The following NCKAP5 variants were observed in gnomAD, a reference collection of about 807,000 sequenced individuals.
NCKAP5 encodes NCK associated protein 5.
A neutral mutation model predicts 167.0 loss-of-function variants in NCKAP5; 92 were observed. The ratio of observed to expected loss-of-function variants is 0.55; its 90% CI spans 0.47 to 0.66. The LOEUF (loss-of-function observed/expected upper bound fraction) is 0.66. Among genes scored for constraint, NCKAP5 ranks in the 30% least tolerant of loss-of-function variants. The pLI is 0.00. For missense variants in NCKAP5, 2,378 were observed against 2,315.0 expected (o/e 1.03, Z -0.56); for synonymous variants, 891 against 877.4 (o/e 1.02, Z -0.27).
intron 11 of NCKAP5, among the ~76,000 whole-genome samples, chr2:132,817,731 A>G (rs1377970869): frequency 1.3e-5 from 2 of 152,120 alleles, no homozygotes; most frequent in South Asian, 2.1e-4. Flanking sequence ...GTAGCTCTAC[A>G]TAAAGGAGGA....
At chr2:132,950,301 A>G (rs1182897539) in intron 8 of NCKAP5, among the ~76,000 whole-genome samples, 2 of 152,116 alleles carry the variant, frequency 1.3e-5, no homozygotes, top group Non-Finnish European at 2.9e-5. Context: ...AATTTACTGA[A>G]TTTATATCTG....
Position 132,830,436 on chromosome 2 carries a change from G to A in NCKAP5, c.807+30056C>T, listed in dbSNP as rs184080971. Among the ~76,000 whole-genome samples the A allele has an allele frequency of 2.0e-3, 309 of 152,064 alleles. 5 individuals are homozygous for A. The highest frequency in any genetic ancestry group is 1.9e-4 in the East Asian group (1 of 5,148). ...AGGACAGTCTGTTTCCCCCCTTGCA[G>A]TGCTGAGAGAAAGTCAGGAGGGTAA... is the stretch of plus-strand genomic sequence containing the variant. On this transcript the variant is annotated intron_variant, in intron 11 of 19. Coordinates refer to ENST00000409261, the MANE Select transcript of NCKAP5 (RefSeq NM_207363.3).
At chr2:133,416,306 C>G (rs1689103983) in intron 3 of NCKAP5, among the ~76,000 whole-genome samples, 1 of 152,100 alleles carries the variant, frequency 6.6e-6, no homozygotes. Flanking sequence ...TTCCAGATTC[C>G]AAGAGATGGG....
chr2:132,948,342 G>A (rs1019917770), intron 8 of NCKAP5, among the ~76,000 whole-genome samples: 6 of 152,100 alleles, frequency 3.9e-5, no homozygotes, highest in Non-Finnish European at 7.4e-5. Flanking sequence ...GTTATGTGCA[G>A]AGAACAGCTG....
chr2:133,514,006 A>T (rs1683748220), intron 3 of NCKAP5, among the ~76,000 whole-genome samples: 1 of 152,214 alleles, frequency 6.6e-6, no homozygotes, highest in East Asian at 1.9e-4. Flanking sequence ...ACAGTGTGAA[A>T]TGATGACTTT....
the NCKAP5 span, among the ~76,000 whole-genome samples, chr2:133,614,815 C>T: frequency 1.3e-5 from 2 of 151,484 alleles, no homozygotes; most frequent in African/African-American, 4.8e-5. Context: ...AAAGATACTC[C>T]TCGAGAAGAG....
chr2:133,128,570 G>C (rs1159838218), intron 6 of NCKAP5, among the ~76,000 whole-genome samples: 2 of 151,942 alleles, frequency 1.3e-5, no homozygotes, highest in East Asian at 3.9e-4. Context: ...TTCTTTGAAA[G>C]AGAGATTCTA....
intron 8 of NCKAP5, among the ~76,000 whole-genome samples, chr2:132,898,642 C>T (rs1016161530): frequency 6.6e-6 from 1 of 152,184 alleles, no homozygotes; most frequent in Non-Finnish European, 1.5e-5. Flanking sequence ...TGTTAGCAGG[C>T]ATGAAAACAA....
At chr2:132,722,414 C>A (rs914319174) in intron 19 of NCKAP5, among the ~76,000 whole-genome samples, 2 of 152,172 alleles carry the variant, frequency 1.3e-5, no homozygotes, top group African/African-American at 2.4e-5. Context: ...CCTTGACATA[C>A]CTTCCTCACT....
At chr2:133,293,717 A>G (rs745899578) in intron 4 of NCKAP5, among the ~76,000 whole-genome samples, 7 of 152,120 alleles carry the variant, frequency 4.6e-5, no homozygotes, top group Non-Finnish European at 8.8e-5. Flanking sequence ...GCAATACCCA[A>G]TTTCGAGAGC....
At chr2:133,057,830 A>G (rs1044074274) in intron 6 of NCKAP5, among the ~76,000 whole-genome samples, 5 of 152,264 alleles carry the variant, frequency 3.3e-5, no homozygotes, top group Non-Finnish European at 7.3e-5. Flanking sequence ...TTTGATATAA[A>G]TGCTGATAGA....
chr2:133,462,242 AC>A (rs1282751110), intron 3 of NCKAP5, among the ~76,000 whole-genome samples: 1 of 152,098 alleles, frequency 6.6e-6, no homozygotes, highest in African/African-American at 2.4e-5. Flanking sequence ...TTTGGGTCTC[AC>A]CTTCATTGGG....
intron 2 of NCKAP5, among the ~76,000 whole-genome samples, chr2:133,543,735 T>C (rs1686422068): frequency 6.6e-6 from 1 of 152,210 alleles, no homozygotes; most frequent in African/African-American, 2.4e-5. Context: ...CCTCACATGC[T>C]CCTTATGAAA....
intron 7 of NCKAP5, among the ~76,000 whole-genome samples, chr2:132,981,276 C>G (rs1171595073): frequency 3.3e-5 from 5 of 152,066 alleles, no homozygotes; most frequent in Admixed American, 3.3e-4. Context: ...TTCCCAAAGC[C>G]CCTTTGAACC....
chr2:132,741,364 GA>G (rs1442085073), intron 16 of NCKAP5, among the ~76,000 whole-genome samples: 1 of 152,044 alleles, frequency 6.6e-6, no homozygotes, highest in Non-Finnish European at 1.5e-5. Context: ...TGCCTCTCTT[GA>G]AAAACAATGG....
At chr2:133,102,504 G>T (rs1218510342) in intron 6 of NCKAP5, among the ~76,000 whole-genome samples, 2 of 151,836 alleles carry the variant, frequency 1.3e-5, no homozygotes, top group Non-Finnish European at 2.9e-5. Flanking sequence ...AAAGCATCAG[G>T]GAAGGAAAAA....
At chr2:133,088,794 G>T (rs1226396145) in intron 6 of NCKAP5, among the ~76,000 whole-genome samples, 13 of 152,228 alleles carry the variant, frequency 8.5e-5, no homozygotes, top group Admixed American at 3.3e-4. Context: ...ACAGAGAAAT[G>T]CTATTCTAGA....
chr2:133,593,876 T>G, the NCKAP5 span, among the ~76,000 whole-genome samples: 1 of 152,144 alleles, frequency 6.6e-6, no homozygotes, highest in Non-Finnish European at 1.5e-5. Context: ...ACTTCCATAC[T>G]AGGTAAACTC....
At chr2:133,278,597 A>T (rs528614753) in intron 4 of NCKAP5, among the ~76,000 whole-genome samples, 4 of 152,274 alleles carry the variant, frequency 2.6e-5, no homozygotes, top group Non-Finnish European at 5.9e-5. Context: ...TAACATTTTT[A>T]AAAATTCTAA....
Sources: allele counts gnomAD v4.1 joint callset (sites outside exome capture counted in the v4.1 genomes callset), GRCh38; gene constraint gnomAD v4.1.1; transcripts MANE v1.5; gene names NCBI Gene and HGNC (gene_info 2026-07-23, HGNC 2026-07-21).